IPO7: variants seen among roughly 807,000 people sequenced by gnomAD.
IPO7 encodes the protein importin 7.
Under a neutral mutation model 136.4 loss-of-function variants are expected in IPO7, and 13 were observed. That is an observed-to-expected ratio of 0.10 (90% CI 0.06 to 0.15). IPO7 has a LOEUF of 0.15. Among genes scored for constraint, IPO7 ranks in the 10% least tolerant of loss-of-function variants. The probability of loss-of-function intolerance (pLI) is 1.00; values close to 1 mark genes in which losing one functional copy is unlikely to be tolerated. For synonymous variants in IPO7, 403 were observed against 404.4 expected (o/e 1.00, Z 0.04); for missense variants, 857 against 1,240.6 (o/e 0.69, Z 4.65).
chr11:9,428,867 C>T lies in IPO7; in HGVS notation c.1426-164C>T, dbSNP rs541839778. 5.0e-6 allele frequency: 4 copies of T among 801,412 alleles called. No homozygotes were observed. In the South Asian group the frequency reaches 5.4e-5, roughly 11 times the overall value. 49.6% of individuals were successfully genotyped at this position (801,412 alleles called of 1,614,324 possible). On this transcript the variant is annotated intron_variant, in intron 13 of 24. Transcript: ENST00000379719. ...TGCTATCCACACAAACATCATGCGG[C>T]CAAAGAGTAACTTGGGATCATAGTA...
chr11:9,429,083 A>C lies in IPO7; in HGVS notation c.1478A>C (p.Asn493Thr). The C allele has an allele frequency of 6.2e-7, 1 of 1,614,022 alleles. No individual in the cohort carries two copies. Among genetic ancestry groups the C allele is most frequent in the Non-Finnish European group, 8.5e-7 (1 of 1,179,872 alleles). Residue 493 changes from asparagine (N) to threonine (T), a missense_variant, in exon 14 of 25, where the codon AAC becomes ACC. By Grantham distance (65) the Asn-to-Thr change is moderately conservative. This residue lies in a region of IPO7 where 127 missense variants were observed against 222.4 expected (regional missense o/e 0.57). Coordinates refer to ENST00000379719, the MANE Select transcript of IPO7 (RefSeq NM_006391.3). ...GAAGTGAAGTTCAAAAGTGATCAGA[A>C]CCTTCAAACAGCCTTAGAGCTAACA... ...FCEVKFKSDQ[N>T]LQTALELTRR...
In IPO7 at chr11:9,397,341, A is replaced by AAAAAAAAAAAAAAAAAAAT; in HGVS notation, c.85-5948_85-5947insAAAAAAAAAAAAAAAAATA. On this transcript the variant is annotated intron_variant, in intron 1 of 24. Coordinates refer to ENST00000379719, the MANE Select transcript of IPO7 (RefSeq NM_006391.3). The stretch of plus-strand genomic sequence containing the variant: ...CTTTACTAAAAATAATTTAAAAAAA[A>AAAAAAAAAAAAAAAAAAAT]ATATATATATATATATATATATATT... Among the ~76,000 whole-genome samples, 5 of 10,762 alleles carry AAAAAAAAAAAAAAAAAAAT rather than the reference A, an allele frequency of 4.6e-4. 1 individual carries two copies. The highest frequency in any genetic ancestry group is 9.2e-4 in the Non-Finnish European group (5 of 5,460). 7.1% of individuals were successfully genotyped at this position (10,762 alleles called of 152,430 possible).
At chr11:9,408,220 T>TAA (rs34260285) in intron 2 of IPO7, among the ~76,000 whole-genome samples, 1 of 150,880 alleles carries the variant, frequency 6.6e-6, no homozygotes, top group Non-Finnish European at 1.5e-5. Flanking sequence ...GTTGTGACGT[T>TAA]AAAAAAAAAC....
At chr11:9,402,399 CAAAAAAAAAAAAAAAAAA>C (rs71062846) in intron 1 of IPO7, among the ~76,000 whole-genome samples, 1 of 44,858 alleles carries the variant, frequency 2.2e-5, no homozygotes, top group Non-Finnish European at 3.5e-5. Flanking sequence ...GACTGTGTCT[CAAAAAAAAAAAAAAAAAA>C]AAAAAAAAAA....
chr11:9,403,435 G>A (rs1854830125), intron 2 of IPO7, 64 bp downstream of exon 2: 1 of 1,309,286 alleles, frequency 7.6e-7, no homozygotes, highest in Non-Finnish European at 1.1e-6. Flanking sequence ...TAATCGAATA[G>A]CAGAAGTGTC....
chr11:9,419,186 C>G (rs1320967639), intron 6 of IPO7, among the ~76,000 whole-genome samples: 1 of 152,112 alleles, frequency 6.6e-6, no homozygotes, highest in African/African-American at 2.4e-5. Flanking sequence ...TGTAGCATTG[C>G]TTTCACTAGC....
At chr11:9,390,857 C>A (rs1355026147) in intron 1 of IPO7, among the ~76,000 whole-genome samples, 1 of 152,130 alleles carries the variant, frequency 6.6e-6, no homozygotes, top group Non-Finnish European at 1.5e-5. Context: ...GCAACCTCTG[C>A]CTTCTGGGTT....
chr11:9,400,477 G>A (rs746509039), intron 1 of IPO7, among the ~76,000 whole-genome samples: 78 of 151,848 alleles, frequency 5.1e-4, no homozygotes, highest in African/African-American at 1.7e-3. Flanking sequence ...GCTGGAGTGC[G>A]GTGGCGCGAT....
intron 6 of IPO7, among the ~76,000 whole-genome samples, chr11:9,419,345 C>G (rs1590440338): frequency 6.6e-6 from 1 of 150,848 alleles, no homozygotes; most frequent in African/African-American, 2.4e-5. Context: ...GTTAGGAGAT[C>G]AAGACCATCC....
chr11:9,438,056 T>C, intron 21 of IPO7, 24 bp from the exon 22 acceptor site: 2 of 489,522 alleles, frequency 4.1e-6, no homozygotes, highest in Non-Finnish European at 5.7e-6. Flanking sequence ...TTTTTTTTTT[T>C]TTTTTTTTTT....
rs1590459307 is a variant in IPO7 at position 9,447,001 on chromosome 11, G to C, written c.*1807G>C. ...AACTGTATACCCTAGGTTGCTTAAA[G>C]GGATTTCACTATTATATAAAGTCAA... On this transcript the variant is annotated 3_prime_UTR_variant, in exon 25 of 25. Coordinates refer to ENST00000379719, the MANE Select transcript of IPO7 (RefSeq NM_006391.3). 6.6e-6 allele frequency: 1 copy of C among 152,218 alleles called. No homozygotes were observed. Among genetic ancestry groups the C allele is most frequent in the South Asian group, 2.1e-4 (1 of 4,826 alleles). 9.4% of individuals were successfully genotyped at this position (152,218 alleles called of 1,614,324 possible). A position where few individuals can be genotyped will look rare whatever the true frequency, so the allele number is the denominator to read the frequency against.
chr11:9,391,136 C>G (rs530883083), intron 1 of IPO7, among the ~76,000 whole-genome samples: 2 of 152,238 alleles, frequency 1.3e-5, no homozygotes, highest in East Asian at 3.9e-4. Context: ...TGCGGTGGCT[C>G]ACGCCTGTAA....
chr11:9,390,200 T>C (rs941193567), intron 1 of IPO7, among the ~76,000 whole-genome samples: 2 of 152,158 alleles, frequency 1.3e-5, no homozygotes, highest in African/African-American at 2.4e-5. Flanking sequence ...CTAATGGTTT[T>C]ATATGTACAG....
intron 1 of IPO7, among the ~76,000 whole-genome samples, chr11:9,402,261 A>G (rs1015231833): frequency 2.0e-5 from 3 of 150,380 alleles, no homozygotes; most frequent in African/African-American, 7.4e-5. Flanking sequence ...TTAGCCGGGC[A>G]TGGTGGCACG....
At chr11:9,425,055 T>C (rs1303434538) in intron 11 of IPO7, 65 bp downstream of exon 11, 3 of 1,328,820 alleles carry the variant, frequency 2.3e-6, no homozygotes, top group Non-Finnish European at 3.2e-6. Flanking sequence ...CTATACACTT[T>C]TTAAATGTTA....
At chr11:9,418,715 G>T (rs1402121629) in intron 6 of IPO7, among the ~76,000 whole-genome samples, 1 of 151,708 alleles carries the variant, frequency 6.6e-6, no homozygotes, top group African/African-American at 2.4e-5. Flanking sequence ...TTTATAATCC[G>T]TGCACCGATT....
rs1167654196 is a variant in IPO7 at position 9,405,464 on chromosome 11, C to T, written c.166+2093C>T. 2.6e-5 allele frequency among the ~76,000 whole-genome samples: 4 copies of T among 152,134 alleles called. 1 individual carries two copies. The highest frequency in any genetic ancestry group is 9.7e-5 in the African/African-American group (4 of 41,434). On this transcript the variant is annotated intron_variant, in intron 2 of 24. Transcript: ENST00000379719. ...TGCTGGGATTACAGGCGTGAGCCACCGCCCCCGGCCCTCAGTAGCCTCATC... is the reference window on the plus strand; with the variant it reads ...TGCTGGGATTACAGGCGTGAGCCACTGCCCCCGGCCCTCAGTAGCCTCATC...
In IPO7 at chr11:9,425,280, T is replaced by G; in HGVS notation, c.1335+18T>G. ...TTCTGAAGGTATTCTTTAGTGTGTT[T>G]GTATGTGCATGACTATGCAAGTAGT... On this transcript the variant is annotated intron_variant, in intron 12 of 24. Transcript: ENST00000379719. The G allele has an allele frequency of 7.6e-7, 1 of 1,324,196 alleles. No individual in the cohort carries two copies. The highest frequency in any genetic ancestry group is 1.1e-6 in the Non-Finnish European group (1 of 915,774). The allele number at this position is 1,324,196 out of a possible 1,614,324, so 82.0% of individuals were successfully genotyped here. A position where few individuals can be genotyped will look rare whatever the true frequency, so the allele number is the denominator to read the frequency against.
chr11:9,431,105 T>G, intron 16 of IPO7, 102 bp downstream of exon 16: 1 of 852,682 alleles, frequency 1.2e-6, no homozygotes, highest in Non-Finnish European at 1.8e-6. Flanking sequence ...TTTGCCATTT[T>G]CCCTTTTATA....
Sources: allele counts gnomAD v4.1 joint callset (sites outside exome capture counted in the v4.1 genomes callset), GRCh38; gene constraint gnomAD v4.1.1; regional missense constraint gnomAD v4.1.1; transcripts MANE v1.5; gene names NCBI Gene and HGNC (gene_info 2026-07-23, HGNC 2026-07-21).